Variants in S1PR3 observed in about 807,000 individuals in gnomAD.
The protein encoded by S1PR3 is sphingosine 1-phosphate receptor 3.
In S1PR3, 12 loss-of-function variants were observed where a neutral mutation model predicts 13.3. That is an observed-to-expected ratio of 0.90 (90% CI 0.58 to 1.46). The LOEUF (loss-of-function observed/expected upper bound fraction) is 1.46, where lower values mean the gene tolerates loss of function less well. S1PR3 is among the 40% of genes most tolerant of loss of function. The pLI is 0.00. For synonymous variants in S1PR3, 232 were observed against 214.0 expected (o/e 1.08, Z -0.73); for missense variants, 450 against 501.9 (o/e 0.90, Z 0.99).
chr9:88,991,123 T>G (rs1337012573), upstream of S1PR3: 3 of 1,612,514 alleles, frequency 1.9e-6, no homozygotes, highest in Middle Eastern at 1.7e-4. This position sits in a 1 kb window ranked among gnomAD's most constrained non-coding sequence, Gnocchi z 4.0. Context: ...GTTCCAAGCC[T>G]GTTCCCGCTG....
At position 89,001,905 on chromosome 9, in the gene S1PR3, G is replaced by C. The variant is rs199617443; in HGVS notation, c.705G>C (p.Ser235=). ...GTAAGGTGGCCAACCACAACAACTC[G>C]GAGCGGTCCATGGCACTGCTGCGGA... ...SSRKVANHNN[S]ERSMALLRTV... is the part of the protein sequence containing the mutation. The change falls in exon 2 of 2, where the codon TCG becomes TCC. Residue 235 remains serine (S), a synonymous_variant. Coordinates refer to ENST00000358157, the MANE Select transcript of S1PR3 (RefSeq NM_005226.4). 1.9e-6 allele frequency: 3 copies of C among 1,614,212 alleles called. No homozygotes were observed. Among genetic ancestry groups the C allele is most frequent in the Non-Finnish European group, 2.5e-6 (3 of 1,180,036 alleles).
At position 88,991,975 on chromosome 9, in the gene S1PR3, C is replaced by T; in HGVS notation, c.-148+280C>T. The stretch of plus-strand genomic sequence containing the variant: ...GTGGAGAAGTTCCATCAGTCGTTTT[C>T]CTTGGACAATTAACAAGTTAGGCTT... On this transcript the variant is annotated intron_variant, in intron 1 of 1. Transcript: ENST00000358157. The surrounding 1 kb of genome is among the most constrained non-coding windows in gnomAD (Gnocchi z 4.0). The T allele has an allele frequency of 6.2e-7, 1 of 1,614,228 alleles. No individual in the cohort carries two copies. Among genetic ancestry groups the T allele is most frequent in the Non-Finnish European group, 8.5e-7 (1 of 1,180,030 alleles).
chr9:88,991,787 G>A lies in S1PR3; in HGVS notation c.-148+92G>A, dbSNP rs1201235163. 2.5e-6 allele frequency: 4 copies of A among 1,594,004 alleles called. No individual in the cohort carries two copies. Among genetic ancestry groups the A allele is most frequent in the East Asian group, 4.5e-5 (2 of 43,968 alleles). On this transcript the variant is annotated intron_variant, in intron 1 of 1. Transcript: ENST00000358157. The surrounding 1 kb of genome is among the most constrained non-coding windows in gnomAD (Gnocchi z 4.0). ...TCCAACAAAATCCCCACCGATCCCG[G>A]GCGCGACGGGGACTTGGGCGCGCCA...
rs768158498 is a variant in S1PR3, at chr9:89,001,509, G to A, written c.309G>A (p.Thr103=). ...KVNILMSGKK[T]FSLSPTVWFL... Reference sequence around the variant, plus strand: ...ACATTCTGATGTCTGGCAAGAAGACGTTCAGCCTGTCTCCCACGGTCTGGT... The same window carrying A: ...ACATTCTGATGTCTGGCAAGAAGACATTCAGCCTGTCTCCCACGGTCTGGT... Residue 103 remains threonine, a synonymous_variant, in exon 2 of 2, where the codon ACG becomes ACA. Coordinates refer to ENST00000358157, the MANE Select transcript of S1PR3 (RefSeq NM_005226.4). The A allele has an allele frequency of 1.9e-6, 3 of 1,614,242 alleles. No individual in the cohort carries two copies. The highest frequency in any genetic ancestry group is 2.2e-5 in the South Asian group (2 of 91,090).
At position 89,004,274 on chromosome 9, in the gene S1PR3, C is replaced by T. The variant is rs541351459; in HGVS notation, c.*1937C>T. ...ATTAGCTGGATGCGATAGCACGTGC[C>T]TGTAGTCCCAGCTACTCGGGAGGCT... On this transcript the variant is annotated 3_prime_UTR_variant, in exon 2 of 2. Transcript: ENST00000358157. 6.6e-6 allele frequency: 1 copy of T among 152,216 alleles called. No individual in the cohort carries two copies. Among genetic ancestry groups the T allele is most frequent in the Non-Finnish European group, 1.5e-5 (1 of 68,046 alleles). 9.4% of individuals were successfully genotyped at this position (152,216 alleles called of 1,614,324 possible).
chr9:88,992,212 T>TC, intron 1 of S1PR3: 1 of 617,032 alleles, frequency 1.6e-6, no homozygotes, highest in South Asian at 2.0e-5. Context: ...TACGTTGTGT[T>TC]CGTAACTGAG....
chr9:88,992,407 C>T (rs947331788), intron 1 of S1PR3: 3 of 203,984 alleles, frequency 1.5e-5, no homozygotes, highest in African/African-American at 7.2e-5. Flanking sequence ...AGGGAACACA[C>T]TTCGTTTTGA....
intron 1 of S1PR3, chr9:88,994,232 A>AC (rs199566425): frequency 2.4e-5 from 4 of 166,222 alleles, no homozygotes; most frequent in South Asian, 2.1e-4. Context: ...GACAAGTGAC[A>AC]CCCCCCCTCC....
In S1PR3 at chr9:89,002,019, G is replaced by T; in HGVS notation, c.819G>T (p.Ala273=). The T allele has an allele frequency of 1.2e-6, 2 of 1,614,050 alleles. No individual in the cohort carries two copies. Among genetic ancestry groups the T allele is most frequent in the Non-Finnish European group, 1.7e-6 (2 of 1,180,024 alleles). Residue 273 remains alanine (A), a synonymous_variant, in exon 2 of 2, where the codon GCG becomes GCT. Transcript: ENST00000358157. ...TTGATGTGGCCTGCAGGGTGCAGGC[G>T]TGCCCCATCCTCTTCAAGGCTCAGT... ...FLIDVACRVQ[A]CPILFKAQWF... is the part of the protein sequence containing the mutation.
rs778339232 is a variant in S1PR3 at position 89,002,053 on chromosome 9, G to A, written c.853G>A (p.Val285Met). ...PILFKAQWFI[V>M]LAVLNSAMNP... The stretch of plus-strand genomic sequence containing the variant: ...CCTCTTCAAGGCTCAGTGGTTCATC[G>A]TGTTGGCTGTGCTCAACTCCGCCAT... The change falls in exon 2 of 2, where the codon GTG (valine) becomes ATG (methionine). Residue 285 changes from valine (V) to methionine (M), a missense_variant. Transcript: ENST00000358157. 3 of 1,614,032 alleles carry A rather than the reference G, an allele frequency of 1.9e-6. No individual in the cohort carries two copies. Among genetic ancestry groups the A allele is most frequent in the Admixed American group, 3.3e-5 (2 of 60,002 alleles).
intron 1 of S1PR3, chr9:89,000,005 A>G (rs1233588426): frequency 1.3e-5 from 2 of 152,170 alleles, no homozygotes; most frequent in Non-Finnish European, 2.9e-5. Flanking sequence ...GTGTCTCAAA[A>G]GAAAATTTTT....
rs1587665473 is a variant in S1PR3, at chr9:88,996,353, G to C, written c.-148+4658G>C. On this transcript the variant is annotated intron_variant, in intron 1 of 1. Coordinates refer to ENST00000358157, the MANE Select transcript of S1PR3 (RefSeq NM_005226.4). ...AGAACATCCTCAATCAATCCCAGCA[G>C]TGCTACTTGATGATAATCAACACAT... 3.3e-5 allele frequency among the ~76,000 whole-genome samples: 5 copies of C among 152,268 alleles called. No homozygotes were observed. In the South Asian group the frequency reaches 1.0e-3, roughly 32 times the overall value.
chr9:88,991,334 C>T (rs1005804519), upstream of S1PR3: 4 of 923,342 alleles, frequency 4.3e-6, no homozygotes, highest in East Asian at 8.8e-5. This position sits in a 1 kb window ranked among gnomAD's most constrained non-coding sequence, Gnocchi z 4.0. Context: ...GGAGGAGTGC[C>T]GGGTTCGCGG....
At chr9:88,990,965 C>G (rs537455530), upstream of S1PR3, 13 of 1,610,804 alleles carry the variant, frequency 8.1e-6, no homozygotes, top group African/African-American at 2.7e-5. Context: ...ACCTGCAAGC[C>G]CAAGCCGGTG....
intron 1 of S1PR3, chr9:88,995,992 A>C (rs1370234783): frequency 1.8e-5 from 3 of 167,074 alleles, no homozygotes; most frequent in African/African-American, 7.2e-5. Flanking sequence ...CTCTCTGAAT[A>C]TATGCAAAAC....
In S1PR3 at chr9:88,991,744, G is replaced by A. The variant is rs551770381; in HGVS notation, c.-148+49G>A. ...CGCGGAACCAGGGTGGGGGGCTGGG[G>A]GCCGAAGGACCCACCTTTCCAACAA... On this transcript the variant is annotated intron_variant, in intron 1 of 1. Coordinates refer to ENST00000358157, the MANE Select transcript of S1PR3 (RefSeq NM_005226.4). The surrounding 1 kb of genome is among the most constrained non-coding windows in gnomAD (Gnocchi z 4.0). The A allele has an allele frequency of 3.9e-6, 6 of 1,548,548 alleles. No individual in the cohort carries two copies. The South Asian group carries it at 4.7e-5, about 12-fold the overall frequency.
upstream of S1PR3, chr9:88,991,264 C>A: frequency 6.5e-7 from 1 of 1,546,852 alleles, no homozygotes; most frequent in Non-Finnish European, 8.7e-7. The surrounding 1 kb of genome is among the most constrained non-coding windows in gnomAD (Gnocchi z 4.0). Flanking sequence ...AGAAGGGGTC[C>A]AGGCTAGGGG....
Position 89,002,042 on chromosome 9 carries a change from A to G in S1PR3, c.842A>G (p.Gln281Arg). The G allele has an allele frequency of 1.2e-6, 2 of 1,614,040 alleles. No homozygotes were observed. The highest frequency in any genetic ancestry group is 1.7e-6 in the Non-Finnish European group (2 of 1,180,016). Residue 281 changes from glutamine to arginine, a missense_variant, in exon 2 of 2, where the codon CAG (glutamine) becomes CGG (arginine). Physicochemically the swap from Gln to Arg is conservative, Grantham distance 43. Transcript: ENST00000358157. Reference protein sequence around the residue: ...VQACPILFKAQWFIVLAVLNS... With the variant: ...VQACPILFKARWFIVLAVLNS... ...GCGTGCCCCATCCTCTTCAAGGCTC[A>G]GTGGTTCATCGTGTTGGCTGTGCTC...
chr9:89,001,111 C>T lies in S1PR3; in HGVS notation c.-90C>T. 2.7e-6 allele frequency: 4 copies of T among 1,466,382 alleles called. No individual in the cohort carries two copies. Among genetic ancestry groups the T allele is most frequent in the Non-Finnish European group, 2.8e-6 (3 of 1,076,462 alleles). The allele number at this position is 1,466,382 out of a possible 1,614,324, so 90.8% of individuals were successfully genotyped here. On this transcript the variant is annotated 5_prime_UTR_variant, in exon 2 of 2. Coordinates refer to ENST00000358157, the MANE Select transcript of S1PR3 (RefSeq NM_005226.4). ...GCCTGCACGCCTTGCTGAATGAAGC[C>T]GGAACCTCAGCCCCGCTTCCCTTTG...
Sources: gnomAD v4.1 joint callset for allele counts (sites outside exome capture counted in the v4.1 genomes callset) on GRCh38, gnomAD v4.1.1 for gene constraint, Gnocchi (gnomAD v3.1) non-coding constraint, MANE v1.5 for transcripts, NCBI Gene and HGNC (gene_info 2026-07-23, HGNC 2026-07-21) for gene names.